Variants in SMARCC1 observed in about 807,000 individuals in gnomAD.
SMARCC1 encodes SWI/SNF related BAF chromatin remodeling complex subunit C1, also known as SWI/SNF complex subunit SMARCC1.
Under a neutral mutation model 147.4 loss-of-function variants are expected in SMARCC1, and 43 were observed. The observed-to-expected ratio is 0.29, with a 90% CI of 0.23 to 0.38. The LOEUF is 0.38. Ranked by LOEUF, SMARCC1 falls within the 10% of genes least tolerant of loss-of-function variation. SMARCC1 has a pLI of 1.00. For missense variants in SMARCC1, 1,119 were observed against 1,381.1 expected (o/e 0.81, Z 3.01); for synonymous variants, 495 against 484.4 (o/e 1.02, Z -0.29).
Position 47,781,610 on chromosome 3 carries a change from T to C in SMARCC1, c.188A>G (p.Tyr63Cys), listed in dbSNP as rs1178922929. 1 of 1,544,506 alleles carries C rather than the reference T, an allele frequency of 6.5e-7. No individual in the cohort carries two copies. The highest frequency in any genetic ancestry group is 8.7e-7 in the Non-Finnish European group (1 of 1,150,064). Residue 63 changes from tyrosine (Y) to cysteine (C), a missense_variant, in exon 1 of 28, where the codon TAC (tyrosine) becomes TGC (cysteine). Physicochemically the swap from Tyr to Cys is radical, Grantham distance 194. Transcript: ENST00000254480. ...DSVRVWLGKH[Y>C]KKYVHADAPT... ...ACGGGCGCGCGAACCCACCTTCTTG[T>C]AGTGCTTGCCCAGCCAGACCCGCAC...
At chr3:47,671,737 T>A (rs2033505371) in intron 18 of SMARCC1, among the ~76,000 whole-genome samples, 1 of 152,252 alleles carries the variant, frequency 6.6e-6, no homozygotes, top group Non-Finnish European at 1.5e-5. Context: ...CATGCAGCTA[T>A]AAACATTACT....
chr3:47,755,774 C>CCT (rs2034689768), intron 2 of SMARCC1, among the ~76,000 whole-genome samples: 1 of 151,144 alleles, frequency 6.6e-6, no homozygotes, highest in South Asian at 2.1e-4. Flanking sequence ...GGGCCGATCA[C>CCT]AAGGTCAGGA....
Position 47,588,210 on chromosome 3 carries a change from T to G in SMARCC1, c.3317A>C (p.Ter1106SerextTer13). ...TGGAGGTTCCCTGCATCTTCCAGGC[T>G]AAGGAGCAGCTGAGGCTGGCGGGCC... ...APGPPASAAP* is the reference protein window; with the variant it reads ...APGPPASAAPS The change falls in exon 28 of 28, where the codon TAG becomes TCG. Residue 1106 changes from the stop codon to serine (S), a stop_lost. Coordinates refer to ENST00000254480, the MANE Select transcript of SMARCC1 (RefSeq NM_003074.4). 1 of 1,612,290 alleles carries G rather than the reference T, an allele frequency of 6.2e-7. No individual in the cohort carries two copies. The highest frequency in any genetic ancestry group is 8.5e-7 in the Non-Finnish European group (1 of 1,178,804).
chr3:47,662,637 G>A, intron 19 of SMARCC1, 45 bp from the exon 20 acceptor site: 1 of 1,532,252 alleles, frequency 6.5e-7, no homozygotes, highest in Non-Finnish European at 9.0e-7. Context: ...TAACAAGAAA[G>A]TAATGTGTAA....
At chr3:47,697,302 C>CA (rs2033865762) in intron 11 of SMARCC1, among the ~76,000 whole-genome samples, 1 of 134,428 alleles carries the variant, frequency 7.4e-6, no homozygotes, top group South Asian at 2.4e-4. Flanking sequence ...GAGATCCTGA[C>CA]TTTTTTTTTT....
At chr3:47,718,385 G>C (rs1048373430) in intron 7 of SMARCC1, among the ~76,000 whole-genome samples, 1 of 151,546 alleles carries the variant, frequency 6.6e-6, no homozygotes, top group African/African-American at 2.4e-5. Flanking sequence ...GCGGAGCTGA[G>C]GTTGCGCCAC....
At chr3:47,722,292 G>GAT (rs773366699) in intron 6 of SMARCC1, among the ~76,000 whole-genome samples, 1 of 73,966 alleles carries the variant, frequency 1.4e-5, no homozygotes, top group African/African-American at 4.2e-5. Flanking sequence ...TACAAATTTT[G>GAT]ATTTTTTTTT....
At chr3:47,652,217 TCTC>T (rs1379090677) in intron 21 of SMARCC1, among the ~76,000 whole-genome samples, 3 of 152,106 alleles carry the variant, frequency 2.0e-5, no homozygotes, top group South Asian at 2.1e-4. Flanking sequence ...CTAAAGCAAT[TCTC>T]CTGCCTGCCA....
intron 14 of SMARCC1, among the ~76,000 whole-genome samples, chr3:47,682,827 TTTA>T (rs1278615514): frequency 2.0e-5 from 3 of 152,142 alleles, no homozygotes; most frequent in African/African-American, 7.2e-5. Flanking sequence ...TAAACATAAT[TTTA>T]TTGTGAGCCA....
intron 24 of SMARCC1, among the ~76,000 whole-genome samples, chr3:47,630,892 G>A (rs562910922): frequency 5.9e-5 from 9 of 152,136 alleles, no homozygotes; most frequent in African/African-American, 1.2e-4. Context: ...GGGAGACCCC[G>A]TCTCTACAAA....
At chr3:47,779,402 A>C (rs1471964251) in intron 1 of SMARCC1, among the ~76,000 whole-genome samples, 2 of 152,222 alleles carry the variant, frequency 1.3e-5, no homozygotes, top group Non-Finnish European at 2.9e-5. Flanking sequence ...AAAGAAGCAA[A>C]GAACTTTGTG....
intron 2 of SMARCC1, among the ~76,000 whole-genome samples, chr3:47,753,727 A>T (rs978871780): frequency 6.6e-6 from 1 of 151,488 alleles, no homozygotes; most frequent in Admixed American, 6.6e-5. Flanking sequence ...AAAAAAAAAA[A>T]AAAAAAGACA....
chr3:47,674,371 C>A (rs1310108475), intron 18 of SMARCC1, among the ~76,000 whole-genome samples: 1 of 152,124 alleles, frequency 6.6e-6, no homozygotes, highest in Non-Finnish European at 1.5e-5. Context: ...CTACAAACGT[C>A]TTTATTTCAC....
chr3:47,772,746 A>G, intron 2 of SMARCC1, 71 bp downstream of exon 2: 1 of 1,371,008 alleles, frequency 7.3e-7, no homozygotes, highest in Non-Finnish European at 9.8e-7. Flanking sequence ...CAAAGGAAAA[A>G]AGCTGGATGC....
At chr3:47,767,826 C>T (rs2034859197) in intron 2 of SMARCC1, among the ~76,000 whole-genome samples, 1 of 151,460 alleles carries the variant, frequency 6.6e-6, no homozygotes, top group African/African-American at 2.4e-5. Context: ...CAAGACTGCG[C>T]CATTGCACTC....
chr3:47,703,274 C>G (rs1457577887), intron 10 of SMARCC1, among the ~76,000 whole-genome samples: 1 of 152,168 alleles, frequency 6.6e-6, no homozygotes, highest in Admixed American at 6.5e-5. Flanking sequence ...TGGTGGCATG[C>G]ACCTGTAGTC....
intron 26 of SMARCC1, chr3:47,603,609 G>A (rs1204312684): frequency 5.2e-6 from 1 of 192,300 alleles, no homozygotes; most frequent in Non-Finnish European, 1.1e-5. Context: ...ATGTGCTTAA[G>A]AATTGGTTTC....
chr3:47,723,958 G>A (rs2034267180), intron 6 of SMARCC1, among the ~76,000 whole-genome samples: 1 of 152,084 alleles, frequency 6.6e-6, no homozygotes, highest in Non-Finnish European at 1.5e-5. Context: ...TCAAAACAAT[G>A]ATATATCAGC....
intron 21 of SMARCC1, among the ~76,000 whole-genome samples, chr3:47,640,903 A>T (rs1179573355): frequency 6.6e-6 from 1 of 152,320 alleles, no homozygotes; most frequent in Admixed American, 6.5e-5. Flanking sequence ...ACAGAGTAAT[A>T]TCAAGGATGA....
Sources: gnomAD v4.1 joint callset for allele counts (sites outside exome capture counted in the v4.1 genomes callset) on GRCh38, gnomAD v4.1.1 for gene constraint, MANE v1.5 for transcripts, NCBI Gene and HGNC (gene_info 2026-07-23, HGNC 2026-07-21) for gene names.